NRXN3: variants seen among roughly 807,000 people sequenced by gnomAD.
NRXN3 encodes neurexin 3.
A neutral mutation model predicts 137.6 loss-of-function variants in NRXN3; 32 were observed. The ratio of observed to expected loss-of-function variants is 0.23; its 90% CI spans 0.18 to 0.31. The LOEUF is 0.31. Among genes scored for constraint, NRXN3 ranks in the 10% least tolerant of loss-of-function variants. The pLI, the probability that NRXN3 is intolerant of heterozygous loss-of-function variation, is 1.00. For synonymous variants in NRXN3, 798 were observed against 784.5 expected, an observed-to-expected ratio of 1.02 and a Z score of -0.29; for missense variants, 1,574 against 2,062.5, an observed-to-expected ratio of 0.76 and a Z score of 4.59.
intron 4 of NRXN3, among the ~76,000 whole-genome samples, chr14:78,491,659 A>G (rs2095671133): frequency 6.6e-6 from 1 of 152,152 alleles, no homozygotes; most frequent in South Asian, 2.1e-4. Context: ...CTTTGGGGAC[A>G]AAGACTGTGC....
At chr14:79,826,874 G>T (rs1271721967) in intron 20 of NRXN3, among the ~76,000 whole-genome samples, 4 of 152,118 alleles carry the variant, frequency 2.6e-5, no homozygotes, top group African/African-American at 9.7e-5. Context: ...AGGTGTGTTG[G>T]TGTAGAAGCG....
At chr14:78,926,804 T>A (rs1204969367) in intron 10 of NRXN3, among the ~76,000 whole-genome samples, 2 of 50,192 alleles carry the variant, frequency 4.0e-5, no homozygotes, top group African/African-American at 9.6e-5. Flanking sequence ...TATTATATAT[T>A]TATATATATT....
At chr14:78,530,458 G>A (rs1006677214) in intron 4 of NRXN3, among the ~76,000 whole-genome samples, 6 of 152,198 alleles carry the variant, frequency 3.9e-5, no homozygotes, top group African/African-American at 1.4e-4. Flanking sequence ...GCTTCTACAA[G>A]TTATTTTTCA....
At position 79,811,567 on chromosome 14, in the gene NRXN3, CTTTTT is replaced by C. The variant is rs1458230296; in HGVS notation, c.4093+6379_4093+6383del. 6.1e-5 allele frequency among the ~76,000 whole-genome samples: 8 copies of C among 131,644 alleles called. No homozygotes were observed. The East Asian group carries it at 1.8e-3, about 29-fold the overall frequency. 86.4% of individuals were successfully genotyped at this position (131,644 alleles called of 152,430 possible). A position where few individuals can be genotyped will look rare whatever the true frequency, so the allele number is the denominator to read the frequency against. ...CCACCAAGTTATTTCACTTTCTTTT[CTTTTT>C]TCTTTTTTCTTTTTTTTTTTTTTTT... On this transcript the variant is annotated intron_variant, in intron 20 of 20. Coordinates refer to ENST00000335750, the MANE Select transcript of NRXN3 (RefSeq NM_001330195.2).
At chr14:78,200,146 C>G (rs1319776735) in intron 1 of NRXN3, among the ~76,000 whole-genome samples, 1 of 152,162 alleles carries the variant, frequency 6.6e-6, no homozygotes, top group African/African-American at 2.4e-5. Context: ...GCTGGTTCAT[C>G]TGCTTTGTCT....
chr14:79,332,496 AC>A (rs1172709226), intron 15 of NRXN3, among the ~76,000 whole-genome samples: 13 of 152,284 alleles, frequency 8.5e-5, no homozygotes, highest in African/African-American at 2.6e-4. Flanking sequence ...ACTTCTACTC[AC>A]CGTTTAAGAC....
chr14:78,843,060 A>G (rs2099017020), intron 10 of NRXN3, among the ~76,000 whole-genome samples: 1 of 152,158 alleles, frequency 6.6e-6, no homozygotes, highest in South Asian at 2.1e-4. Flanking sequence ...TGATGGGAAT[A>G]AGAGATTAAA....
At chr14:78,495,114 A>G (rs1210941615) in intron 4 of NRXN3, among the ~76,000 whole-genome samples, 2 of 107,138 alleles carry the variant, frequency 1.9e-5, no homozygotes, top group Admixed American at 1.1e-4. Context: ...AACTGTTTGT[A>G]TATGTGGGGT....
At chr14:79,559,997 G>C (rs1023908514) in intron 16 of NRXN3, among the ~76,000 whole-genome samples, 1 of 151,792 alleles carries the variant, frequency 6.6e-6, no homozygotes, top group African/African-American at 2.4e-5. Context: ...GTAACGTCTT[G>C]AGTAAAAAGA....
At chr14:78,208,762 A>G (rs1434529017) in intron 1 of NRXN3, among the ~76,000 whole-genome samples, 1 of 152,200 alleles carries the variant, frequency 6.6e-6, no homozygotes, top group Non-Finnish European at 1.5e-5. Flanking sequence ...TGAGGATTAT[A>G]TGGCCGTGTG....
chr14:79,077,868 C>T (rs2046253078), intron 15 of NRXN3, among the ~76,000 whole-genome samples: 1 of 151,922 alleles, frequency 6.6e-6, no homozygotes, highest in African/African-American at 2.4e-5. Flanking sequence ...GAGTATAGCC[C>T]TATTGATCAG....
chr14:78,853,099 G>A (rs375133746), intron 10 of NRXN3, among the ~76,000 whole-genome samples: 1 of 152,008 alleles, frequency 6.6e-6, no homozygotes, highest in East Asian at 1.9e-4. Flanking sequence ...TTAAGTTTTA[G>A]GGTACACATG....
chr14:78,999,182 T>A (rs2153102462), intron 15 of NRXN3, among the ~76,000 whole-genome samples: 1 of 152,284 alleles, frequency 6.6e-6, no homozygotes. Context: ...CACCAGGCAC[T>A]GGTTTGCATT....
chr14:79,066,183 G>A (rs191503473), intron 15 of NRXN3, among the ~76,000 whole-genome samples: 84 of 152,132 alleles, frequency 5.5e-4, no homozygotes, highest in African/African-American at 2.0e-3. Flanking sequence ...TAAAGAAGAG[G>A]CCCAGTTTCA....
chr14:78,713,896 A>G (rs1215710266), intron 7 of NRXN3, among the ~76,000 whole-genome samples: 1 of 152,218 alleles, frequency 6.6e-6, no homozygotes, highest in Non-Finnish European at 1.5e-5. Context: ...TGCAGGGATT[A>G]TGGGAATGGC....
At chr14:78,456,799 C>CTCTTTCCT (rs1555539843) in intron 4 of NRXN3, among the ~76,000 whole-genome samples, 3 of 97,620 alleles carry the variant, frequency 3.1e-5, no homozygotes, top group African/African-American at 1.1e-4. Context: ...CTCTCTTTCT[C>CTCTTTCCT]TCTTTCTTTC....
intron 10 of NRXN3, among the ~76,000 whole-genome samples, chr14:78,914,084 C>T (rs1232674522): frequency 6.6e-6 from 1 of 152,148 alleles, no homozygotes; most frequent in Non-Finnish European, 1.5e-5. Flanking sequence ...AAACTGGACC[C>T]TCTTCATTTG....
chr14:78,509,427 T>A (rs1475495129), intron 4 of NRXN3, among the ~76,000 whole-genome samples: 3 of 152,322 alleles, frequency 2.0e-5, no homozygotes, highest in South Asian at 4.1e-4. Context: ...AAATGAGACT[T>A]ACATGAGATC....
At chr14:78,486,681 T>C (rs2095564987) in intron 4 of NRXN3, among the ~76,000 whole-genome samples, 2 of 152,178 alleles carry the variant, frequency 1.3e-5, no homozygotes, top group Non-Finnish European at 2.9e-5. Context: ...AATCTGGTTT[T>C]TTCCTTGTCC....
Sources: allele counts gnomAD v4.1 joint callset (sites outside exome capture counted in the v4.1 genomes callset), GRCh38; gene constraint gnomAD v4.1.1; transcripts MANE v1.5; gene names NCBI Gene and HGNC (gene_info 2026-07-23, HGNC 2026-07-21).